Variants in CYP2A13 observed in about 807,000 individuals in gnomAD.
CYP2A13 encodes the protein cytochrome P450 2A13.
Under a neutral mutation model 39.4 loss-of-function variants are expected in CYP2A13, and 30 were observed. That is an observed-to-expected ratio of 0.76 (90% CI 0.57 to 1.03). CYP2A13 has a LOEUF of 1.03. Among genes scored for constraint, CYP2A13 ranks in the 50% least tolerant of loss-of-function variants. The pLI is 0.00. For missense variants in CYP2A13, 731 were observed against 648.4 expected, an observed-to-expected ratio of 1.13 and a Z score of -1.38; for synonymous variants, 269 against 254.7, an observed-to-expected ratio of 1.06 and a Z score of -0.54.
At chr19:41,089,870 CTCGTGCT>C (rs1220776401) in intron 2 of CYP2A13, among the ~76,000 whole-genome samples, 170 bp from the exon 3 acceptor site, 2 of 100,116 alleles carry the variant, frequency 2.0e-5, no homozygotes, top group African/African-American at 8.2e-5. Flanking sequence ...CTCTCTCTCT[CTCGTGCT>C]CTCGTGTTTC....
intron 4 of CYP2A13, among the ~76,000 whole-genome samples, chr19:41,091,239 A>T (rs563703369): frequency 1.1e-4 from 17 of 152,236 alleles, no homozygotes; most frequent in Non-Finnish European, 1.9e-4. Context: ...TATCCCCTCC[A>T]CTTCAACATC....
intron 8 of CYP2A13, among the ~76,000 whole-genome samples, chr19:41,095,351 C>A (rs2031281653): frequency 6.6e-6 from 1 of 152,152 alleles, no homozygotes; most frequent in Non-Finnish European, 1.5e-5. Flanking sequence ...GATTCTTCAG[C>A]TCCCTGAAAA....
At chr19:41,090,003 C>T (rs1400596928) in intron 2 of CYP2A13, 44 bp from the exon 3 acceptor site, 9 of 1,561,334 alleles carry the variant, frequency 5.8e-6, no homozygotes, top group Non-Finnish European at 6.9e-6. Flanking sequence ...CTCCTGCTCC[C>T]GCCGCCCCCT....
rs1490888393 is a variant in CYP2A13 at position 41,094,728 on chromosome 19, A to G, written c.1162-231A>G. ...CTTTTGCCTTAGGGACACAAATCTC[A>G]GGTCCCTCAAACACCCTGCCTAGTG... On this transcript the variant is annotated intron_variant, in intron 7 of 8. Coordinates refer to ENST00000330436, the MANE Select transcript of CYP2A13 (RefSeq NM_000766.5). Among the ~76,000 whole-genome samples the G allele has an allele frequency of 2.6e-5, 4 of 151,950 alleles. No individual in the cohort carries two copies. In the East Asian group the frequency reaches 7.7e-4, roughly 29 times the overall value.
chr19:41,093,083 C>T (rs775198220), intron 5 of CYP2A13, among the ~76,000 whole-genome samples: 48 of 151,740 alleles, frequency 3.2e-4, no homozygotes, highest in Non-Finnish European at 5.9e-4. Flanking sequence ...TGCATGCCTG[C>T]GGTCCCAGCT....
chr19:41,094,980 C>T lies in CYP2A13; in HGVS notation c.1183C>T (p.Leu395=). 1 of 1,614,142 alleles carries T rather than the reference C, an allele frequency of 6.2e-7. No homozygotes were observed. Among genetic ancestry groups the T allele is most frequent in the East Asian group, 2.2e-5 (1 of 44,886 alleles). The change falls in exon 8 of 9, where the codon CTG becomes TTG. Residue 395 remains leucine (L), a synonymous_variant. Transcript: ENST00000330436. The part of the protein sequence containing the change: ...LPKGTEVFPM[L]GSVLRDPRFF... ...CCAGGGCACTGAAGTGTTCCCTATG[C>T]TGGGCTCCGTGCTGAGAGACCCCAG...
rs2144728963 is a variant in CYP2A13, at chr19:41,095,790, C to A, written c.1334C>A (p.Ala445Asp). The change falls in exon 9 of 9, where the codon GCC becomes GAC. Residue 445 changes from alanine to aspartate, a missense_variant. Transcript: ENST00000330436. ...CGGTACTGTTTTGGAGAAGGCCTGG[C>A]CAGAATGGAGCTCTTTCTCTTCTTC... ...GKRYCFGEGLARMELFLFFTT... is the reference protein window; with the variant it reads ...GKRYCFGEGLDRMELFLFFTT... 1 of 1,614,086 alleles carries A rather than the reference C, an allele frequency of 6.2e-7. No homozygotes were observed. Among genetic ancestry groups the A allele is most frequent in the African/African-American group, 1.3e-5 (1 of 75,004 alleles).
chr19:41,093,489 C>A (rs1020245224), intron 5 of CYP2A13, 141 bp from the exon 6 acceptor site: 3 of 970,848 alleles, frequency 3.1e-6, no homozygotes, highest in Non-Finnish European at 4.6e-6. Flanking sequence ...AGGGCTGGAA[C>A]CTGGAGCGAG....
Position 41,091,897 on chromosome 19 carries a change from C to A in CYP2A13, c.820C>A (p.Arg274Ser), listed in dbSNP as rs145048388. ...GGACTTCATCGACTCCTTTCTCATCCGCATGCAGGAGGTACATCCCAGCAG... is the reference window on the plus strand; with the variant it reads ...GGACTTCATCGACTCCTTTCTCATCAGCATGCAGGAGGTACATCCCAGCAG... ...PRDFIDSFLI[R>S]MQEEEKNPNT... Residue 274 changes from arginine to serine, a missense_variant, in exon 5 of 9, where the codon CGC becomes AGC. Arg to Ser is a moderately radical substitution (Grantham distance 110). Transcript: ENST00000330436. 6 of 1,614,176 alleles carry A rather than the reference C, an allele frequency of 3.7e-6. No homozygotes were observed. The highest frequency in any genetic ancestry group is 3.3e-5 in the South Asian group (3 of 91,078).
Position 41,090,705 on chromosome 19 carries a change from G to A in CYP2A13, c.654+141G>A, listed in dbSNP as rs543496385. 1.1e-4 allele frequency: 147 copies of A among 1,351,168 alleles called. No homozygotes were observed. The East Asian group carries it at 1.5e-3, about 14-fold the overall frequency. 83.7% of individuals were successfully genotyped at this position (1,351,168 alleles called of 1,614,324 possible). On this transcript the variant is annotated intron_variant, in intron 4 of 8. Transcript: ENST00000330436. ...AGTCCCCGATATTGGACAACTGGAC[G>A]GTTGCACCAGAACCCAGGAGGGATG...
At chr19:41,088,860 A>G (rs1325822197) in intron 1 of CYP2A13, 69 bp from the exon 2 acceptor site, 5 of 1,593,064 alleles carry the variant, frequency 3.1e-6, no homozygotes, top group African/African-American at 2.7e-5. Flanking sequence ...CCAGTACATG[A>G]TATCTCAGTG....
intron 2 of CYP2A13, 62 bp downstream of exon 2, chr19:41,089,153 G>C (rs2144723115): frequency 6.2e-7 from 1 of 1,602,910 alleles, no homozygotes; most frequent in East Asian, 2.2e-5. Flanking sequence ...CGTGTCCCCA[G>C]CCTTCTCCCT....
At chr19:41,091,321 C>G (rs1378773874) in intron 4 of CYP2A13, among the ~76,000 whole-genome samples, 1 of 152,218 alleles carries the variant, frequency 6.6e-6, no homozygotes, top group Non-Finnish European at 1.5e-5. Context: ...AGTATCTGGA[C>G]AGCTGTCTCC....
rs954476536 is a variant in CYP2A13 at position 41,091,339 on chromosome 19, T to C, written c.655-393T>C. Among the ~76,000 whole-genome samples, 17 of 152,130 alleles carry C rather than the reference T, an allele frequency of 1.1e-4. No homozygotes were observed. The South Asian group carries it at 2.1e-3, about 19-fold the overall frequency. ...ATCTGGACAGCTGTCTCCAACCAAG[T>C]CCACTTGAATGCCTAAATACCTAGA... is the stretch of plus-strand genomic sequence containing the variant. On this transcript the variant is annotated intron_variant, in intron 4 of 8. Coordinates refer to ENST00000330436, the MANE Select transcript of CYP2A13 (RefSeq NM_000766.5).
At chr19:41,093,493 G>C in intron 5 of CYP2A13, 137 bp from the exon 6 acceptor site, 2 of 1,013,106 alleles carry the variant, frequency 2.0e-6, no homozygotes, top group Non-Finnish European at 2.9e-6. Flanking sequence ...CTGGAACCTG[G>C]AGCGAGTTTG....
chr19:41,088,773 C>A, intron 1 of CYP2A13, 122 bp downstream of exon 1: 1 of 1,533,634 alleles, frequency 6.5e-7, no homozygotes, highest in South Asian at 1.3e-5. Flanking sequence ...GGAGTTTCAG[C>A]ATCAGGGTCC....
intron 2 of CYP2A13, among the ~76,000 whole-genome samples, chr19:41,089,681 T>A (rs1378132692): frequency 2.0e-5 from 3 of 151,270 alleles, no homozygotes; most frequent in East Asian, 1.9e-4. Context: ...TCCCTCCATC[T>A]CTCTCTTTCT....
At chr19:41,088,722 G>A (rs1297260005) in intron 1 of CYP2A13, 71 bp downstream of exon 1, 12 of 1,575,254 alleles carry the variant, frequency 7.6e-6, no homozygotes, top group South Asian at 6.0e-5. Flanking sequence ...TGTGGCAGGG[G>A]ATTGACCAGT....
chr19:41,094,385 C>A lies in CYP2A13; in HGVS notation c.1114C>A (p.His372Asn). The part of the protein sequence containing the change: ...FGDMLPMGLA[H>N]RVNKDTKFRD... Reference sequence around the variant, plus strand: ...AGACATGCTCCCCATGGGTTTGGCCCACAGGGTCAACAAGGACACCAAGTT... The same window carrying A: ...AGACATGCTCCCCATGGGTTTGGCCAACAGGGTCAACAAGGACACCAAGTT... The change falls in exon 7 of 9, where the codon CAC becomes AAC. Residue 372 changes from histidine to asparagine, a missense_variant. His to Asn is a moderately conservative substitution (Grantham distance 68). Transcript: ENST00000330436. The A allele has an allele frequency of 1.2e-6, 2 of 1,614,082 alleles. No homozygotes were observed. The highest frequency in any genetic ancestry group is 2.2e-5 in the East Asian group (1 of 44,874).
Sources: allele counts gnomAD v4.1 joint callset (sites outside exome capture counted in the v4.1 genomes callset), GRCh38; gene constraint gnomAD v4.1.1; transcripts MANE v1.5; gene names NCBI Gene and HGNC (gene_info 2026-07-23, HGNC 2026-07-21).